Variants in TMEM204 observed in about 807,000 individuals in gnomAD.
TMEM204 encodes transmembrane protein 204, also known as claudin-like protein 24.
TMEM204 carries 15 observed loss-of-function variants against 19.4 expected under a neutral mutation model. The observed-to-expected ratio is 0.77, with a 90% CI of 0.52 to 1.19. The LOEUF (loss-of-function observed/expected upper bound fraction) is 1.19, where lower values mean the gene tolerates loss of function less well. Among genes scored for constraint, TMEM204 ranks in the 50% most tolerant of loss-of-function variants. TMEM204 has a pLI of 0.00. For synonymous variants in TMEM204, 161 were observed against 146.0 expected (o/e 1.10, Z -0.74); for missense variants, 287 against 321.2 (o/e 0.89, Z 0.81).
chr16:1,534,364 G>A lies in TMEM204; in HGVS notation c.89G>A (p.Trp30Ter). ...LNNVAAFTSN[W>*]VCQTLEDGRR... ...AACGTGGCGGCCTTCACCTCCAACT[G>A]GGTGTGCCAGACGCTGGAGGATGGG... Residue 30 changes from tryptophan (W) to a stop codon, truncating the protein, a stop_gained, in exon 1 of 3, where the codon TGG (tryptophan) becomes TAG (stop). Coordinates refer to ENST00000566264, the MANE Select transcript of TMEM204 (RefSeq NM_024600.6). LOFTEE classifies it high-confidence loss of function. 1 of 1,612,908 alleles carries A rather than the reference G, an allele frequency of 6.2e-7. No individual in the cohort carries two copies. The highest frequency in any genetic ancestry group is 8.5e-7 in the Non-Finnish European group (1 of 1,179,894).
intron 2 of TMEM204, among the ~76,000 whole-genome samples, chr16:1,546,741 G>A (rs1402976890): frequency 1.3e-5 from 2 of 152,166 alleles, no homozygotes; most frequent in Non-Finnish European, 2.9e-5. Context: ...CACAGGGCCC[G>A]GGCCTCAGGG....
chr16:1,542,104 G>A (rs756693462), intron 2 of TMEM204, 28 bp downstream of exon 2: 18 of 1,560,986 alleles, frequency 1.2e-5, no homozygotes, highest in South Asian at 3.5e-5. Flanking sequence ...TGTGGCCACC[G>A]CGCCCTTGCC....
upstream of TMEM204, chr16:1,530,721 C>G (rs1036035840): frequency 6.6e-6 from 1 of 151,670 alleles, no homozygotes; most frequent in Non-Finnish European, 1.5e-5. Flanking sequence ...GAGAGCCCGC[C>G]CGTGGGGAGC....
chr16:1,533,934 G>A lies in TMEM204; in HGVS notation c.-342G>A. 5.5e-6 allele frequency: 2 copies of A among 360,514 alleles called. No individual in the cohort carries two copies. Among genetic ancestry groups the A allele is most frequent in the African/African-American group, 2.2e-5 (1 of 45,572 alleles). The allele number at this position is 360,514 out of a possible 1,614,324, so 22.3% of individuals were successfully genotyped here. A position where few individuals can be genotyped will look rare whatever the true frequency, so the allele number is the denominator to read the frequency against. On this transcript the variant is annotated 5_prime_UTR_variant, in exon 1 of 3. Transcript: ENST00000566264. The surrounding 1 kb of genome is among the most constrained non-coding windows in gnomAD (Gnocchi z 4.7). The stretch of plus-strand genomic sequence containing the variant: ...GTGACTCTGTTTTCCACTGCTGCAG[G>A]CGAGAAGAGGCACGCGCGGCACAGG...
chr16:1,548,457 A>C (rs2032356028), intron 2 of TMEM204, among the ~76,000 whole-genome samples: 1 of 152,224 alleles, frequency 6.6e-6, no homozygotes, highest in South Asian at 2.1e-4. Context: ...GGCTCACAGG[A>C]AGAGGTTGTT....
At chr16:1,541,427 T>TGG in intron 1 of TMEM204, 1 of 985,310 alleles carries the variant, frequency 1.0e-6, no homozygotes, top group Non-Finnish European at 1.2e-6. Flanking sequence ...ATGAGCCGCT[T>TGG]GGGGGTCGGG....
intron 2 of TMEM204, among the ~76,000 whole-genome samples, chr16:1,546,740 C>T (rs981477031): frequency 3.3e-5 from 5 of 152,282 alleles, no homozygotes; most frequent in African/African-American, 9.6e-5. Context: ...ACACAGGGCC[C>T]GGGCCTCAGG....
intron 2 of TMEM204, among the ~76,000 whole-genome samples, chr16:1,543,000 A>G (rs913083837): frequency 1.3e-5 from 2 of 152,220 alleles, no homozygotes; most frequent in Non-Finnish European, 2.9e-5. Flanking sequence ...CATGACCCCC[A>G]GCGACCCCAG....
chr16:1,539,068 C>T (rs1169898901), intron 1 of TMEM204, among the ~76,000 whole-genome samples: 1 of 151,364 alleles, frequency 6.6e-6, no homozygotes, highest in African/African-American at 2.4e-5. Context: ...CCTCAGGCCT[C>T]AGCAAGCTGC....
chr16:1,529,808 C>T (rs983271197), upstream of TMEM204, among the ~76,000 whole-genome samples: 7 of 152,182 alleles, frequency 4.6e-5, no homozygotes, highest in South Asian at 4.1e-4. Flanking sequence ...TGCTGAGACA[C>T]GCCTCAAGAC....
chr16:1,547,414 TACTC>T (rs2141348507), intron 2 of TMEM204, among the ~76,000 whole-genome samples: 1 of 152,384 alleles, frequency 6.6e-6, no homozygotes, highest in African/African-American at 2.4e-5. Context: ...GCAGGGTTGA[TACTC>T]ACTGACATGG....
intron 2 of TMEM204, among the ~76,000 whole-genome samples, chr16:1,549,589 G>A (rs368948845): frequency 1.7e-3 from 254 of 152,320 alleles, no homozygotes; most frequent in African/African-American, 5.6e-3. Context: ...CCGCCACCAC[G>A]CCCGGCTAAT....
rs199584846 is a variant in TMEM204 at position 1,554,977 on chromosome 16, C to G, written c.632C>G (p.Ala211Gly). The G allele has an allele frequency of 3.5e-5, 57 of 1,613,666 alleles. No homozygotes were observed. Among genetic ancestry groups the G allele is most frequent in the Non-Finnish European group, 4.6e-5 (54 of 1,179,996 alleles). Residue 211 changes from alanine to glycine, a missense_variant, in exon 3 of 3, where the codon GCG (alanine) becomes GGG (glycine). Coordinates refer to ENST00000566264, the MANE Select transcript of TMEM204 (RefSeq NM_024600.6). ...ATTGTCATCAGCCGCTCCCTGACAG[C>G]GCGCTTTCGCCGTGGGCTGGACAAT... Reference protein sequence around the residue: ...RVIVISRSLTARFRRGLDNDY... With the variant: ...RVIVISRSLTGRFRRGLDNDY...
intron 2 of TMEM204, among the ~76,000 whole-genome samples, chr16:1,543,073 G>GC (rs2031803414): frequency 6.6e-6 from 1 of 152,238 alleles, no homozygotes; most frequent in Admixed American, 6.5e-5. Flanking sequence ...TCTGGGGCAG[G>GC]CTCAGGTCTC....
chr16:1,536,009 G>A (rs534188697), intron 1 of TMEM204, among the ~76,000 whole-genome samples: 1 of 152,352 alleles, frequency 6.6e-6, no homozygotes, highest in African/African-American at 2.4e-5. Flanking sequence ...ACCTCTCGCG[G>A]GGGCAGCGGC....
rs1162271283 is a variant in TMEM204, at chr16:1,555,045, C to G, written c.*19C>G. The G allele has an allele frequency of 1.3e-6, 2 of 1,596,546 alleles. No individual in the cohort carries two copies. The highest frequency in any genetic ancestry group is 1.7e-6 in the Non-Finnish European group (2 of 1,171,726). On this transcript the variant is annotated 3_prime_UTR_variant, in exon 3 of 3. Transcript: ENST00000566264. ...ATGCTGAGTCGCCCTTCTCAGCGCT[C>G]CATCAACGCACACCTGCTATCGTGG... is the stretch of plus-strand genomic sequence containing the variant.
chr16:1,548,141 G>A (rs531589630), intron 2 of TMEM204, among the ~76,000 whole-genome samples: 2 of 152,350 alleles, frequency 1.3e-5, no homozygotes, highest in South Asian at 2.1e-4. Context: ...TTGGGTCACC[G>A]TCATCTTGTT....
rs1464992255 is a variant in TMEM204, at chr16:1,554,851, G to C, written c.506G>C (p.Cys169Ser). The C allele has an allele frequency of 6.2e-7, 1 of 1,614,208 alleles. No individual in the cohort carries two copies. The highest frequency in any genetic ancestry group is 1.1e-5 in the South Asian group (1 of 91,092). Residue 169 changes from cysteine to serine, a missense_variant, in exon 3 of 3, where the codon TGC becomes TCC. Physicochemically the swap from Cys to Ser is moderately radical, Grantham distance 112. Coordinates refer to ENST00000566264, the MANE Select transcript of TMEM204 (RefSeq NM_024600.6). ...CCATACACCAACCTGTCCTGGTCCT[G>C]CTACCTGAACATTGGCGCCTGCCTT... Reference protein sequence around the residue: ...IGPYTNLSWSCYLNIGACLLA... With the variant: ...IGPYTNLSWSSYLNIGACLLA...
intron 2 of TMEM204, among the ~76,000 whole-genome samples, chr16:1,548,578 G>A (rs1369613435): frequency 6.6e-6 from 1 of 152,224 alleles, no homozygotes; most frequent in East Asian, 1.9e-4. Flanking sequence ...GAACATGATT[G>A]AAGTTTTGGG....
Sources: gnomAD v4.1 joint callset for allele counts (sites outside exome capture counted in the v4.1 genomes callset) on GRCh38, gnomAD v4.1.1 for gene constraint, Gnocchi (gnomAD v3.1) non-coding constraint, MANE v1.5 for transcripts, NCBI Gene and HGNC (gene_info 2026-07-23, HGNC 2026-07-21) for gene names.